Variants in KIF27 observed in about 807,000 individuals in gnomAD.
The protein encoded by KIF27 is kinesin family member 27, also known as kinesin-like protein KIF27.
In KIF27, 84 loss-of-function variants were observed where a neutral mutation model predicts 141.8. That is an observed-to-expected ratio of 0.59 (90% CI 0.50 to 0.71). The LOEUF (loss-of-function observed/expected upper bound fraction) is 0.71, where lower values mean the gene tolerates loss of function less well. Among genes scored for constraint, KIF27 ranks in the 30% least tolerant of loss-of-function variants. KIF27 has a pLI of 0.00. For missense variants in KIF27, 1,306 were observed against 1,628.4 expected, an observed-to-expected ratio of 0.80 and a Z score of 3.41; for synonymous variants, 471 against 569.5, an observed-to-expected ratio of 0.83 and a Z score of 2.46.
chr9:83,915,827 G>A (rs1169822117), intron 1 of KIF27, 149 bp from the exon 2 acceptor site: 7 of 453,172 alleles, frequency 1.5e-5, no homozygotes, highest in Admixed American at 3.9e-5. Context: ...AAAATACATC[G>A]TAAATTTGTA....
intron 1 of KIF27, among the ~76,000 whole-genome samples, chr9:83,919,352 C>A (rs1956021918): frequency 6.6e-6 from 1 of 152,066 alleles, no homozygotes; most frequent in Middle Eastern, 3.2e-3. Flanking sequence ...ACATTGTGTT[C>A]GCATAAAAAC....
intron 11 of KIF27, among the ~76,000 whole-genome samples, chr9:83,873,316 A>G (rs947285636): frequency 9.8e-5 from 15 of 152,342 alleles, no homozygotes; most frequent in Non-Finnish European, 1.8e-4. Flanking sequence ...ACACCCAACT[A>G]CAACATACAC....
chr9:83,863,365 A>T (rs1219279129), intron 13 of KIF27, among the ~76,000 whole-genome samples: 1 of 152,134 alleles, frequency 6.6e-6, no homozygotes, highest in African/African-American at 2.4e-5. Context: ...TACCTAATTT[A>T]TTGAGAGTTT....
At position 83,905,588 on chromosome 9, in the gene KIF27, T is replaced by C. The variant is rs1954433537; in HGVS notation, c.500-1570A>G. 2.6e-5 allele frequency among the ~76,000 whole-genome samples: 4 copies of C among 152,230 alleles called. No individual in the cohort carries two copies. In the South Asian group the frequency reaches 8.3e-4, roughly 31 times the overall value. On this transcript the variant is annotated intron_variant, in intron 3 of 17. Coordinates refer to ENST00000297814, the MANE Select transcript of KIF27 (RefSeq NM_017576.4). Reference sequence around the variant, plus strand: ...CATTTCAGTTTCATTATTTCCATCATGACACTTTTTAAACAACCCAGTTCA... The same window carrying C: ...CATTTCAGTTTCATTATTTCCATCACGACACTTTTTAAACAACCCAGTTCA...
intron 3 of KIF27, 143 bp from the exon 4 acceptor site, chr9:83,904,161 A>G: frequency 1.7e-6 from 1 of 577,734 alleles, no homozygotes; most frequent in Non-Finnish European, 3.0e-6. Context: ...TAATAACATC[A>G]GCAACATCAT....
chr9:83,846,460 G>A (rs1947291827), intron 16 of KIF27, among the ~76,000 whole-genome samples: 1 of 152,202 alleles, frequency 6.6e-6, no homozygotes, highest in Non-Finnish European at 1.5e-5. Flanking sequence ...TCATTCATGG[G>A]ATGAAGGTCC....
chr9:83,875,435 C>T (rs1268711588), intron 11 of KIF27, among the ~76,000 whole-genome samples: 1 of 152,146 alleles, frequency 6.6e-6, no homozygotes, highest in Non-Finnish European at 1.5e-5. Context: ...ATTAATTCAT[C>T]TATAAGACAA....
At position 83,870,566 on chromosome 9, in the gene KIF27, T is replaced by C; in HGVS notation, c.2710A>G (p.Asn904Asp). 1.9e-6 allele frequency: 3 copies of C among 1,613,978 alleles called. No individual in the cohort carries two copies. The highest frequency in any genetic ancestry group is 2.5e-6 in the Non-Finnish European group (3 of 1,179,862). Residue 904 changes from asparagine (N) to aspartate (D), a missense_variant, in exon 12 of 18, where the codon AAC becomes GAC. By Grantham distance (23) the Asn-to-Asp change is conservative. Transcript: ENST00000297814. ...AACGAACCTTTTCTCCTTTTCAAGT[T>C]ACATGCATCAAGGTCCTCAGCTTTC... ...KPKAEDLDAC[N>D]LKRRKGSFGS...
chr9:83,888,511 T>C lies in KIF27; in HGVS notation c.2061A>G (p.Gln687=), dbSNP rs775971827. 12 of 1,587,260 alleles carry C rather than the reference T, an allele frequency of 7.6e-6. No homozygotes were observed. The highest frequency in any genetic ancestry group is 6.9e-5 in the East Asian group (3 of 43,670). The part of the protein sequence containing the change: ...VELSDTQDET[Q]KSDLENEDLK... ...TACCTTCATTCTCCAAATCTGACTT[T>C]TGTGTTTCATCCTGAGTATCACTCA... is the stretch of plus-strand genomic sequence containing the variant. Residue 687 remains glutamine (Q), a synonymous_variant, in exon 8 of 18, where the codon CAA becomes CAG. Transcript: ENST00000297814.
chr9:83,855,564 C>T (rs1052467177), intron 14 of KIF27, among the ~76,000 whole-genome samples: 3 of 152,092 alleles, frequency 2.0e-5, no homozygotes, highest in African/African-American at 7.2e-5. Flanking sequence ...AGAGTAAGTC[C>T]TTATCATCAA....
chr9:83,865,125 A>G (rs909578089), intron 13 of KIF27, among the ~76,000 whole-genome samples: 9 of 152,040 alleles, frequency 5.9e-5, no homozygotes, highest in African/African-American at 2.2e-4. Flanking sequence ...AATTTTTTAT[A>G]TGATGTCTTT....
intron 4 of KIF27, among the ~76,000 whole-genome samples, chr9:83,902,544 T>C (rs1473335739): frequency 7.2e-5 from 11 of 152,184 alleles, no homozygotes; most frequent in Admixed American, 5.9e-4. Flanking sequence ...TTAATAAATA[T>C]GCTAATTTGT....
At chr9:83,844,347 GATATCT>G (rs201626105) in intron 16 of KIF27, among the ~76,000 whole-genome samples, 21,725 of 148,242 alleles carry the variant, frequency 0.15, 1,850 homozygotes, top group African/African-American at 0.2. Context: ...TATTTATATA[GATATCT>G]ATATCTATAT....
chr9:83,837,636 G>A lies in KIF27; in HGVS notation c.3722-151C>T. ...TTAAATGACTTATTTTAGATGAACA[G>A]ATGTGTGAATATGAATATTTTTATT... On this transcript the variant is annotated intron_variant, in intron 17 of 17. Coordinates refer to ENST00000297814, the MANE Select transcript of KIF27 (RefSeq NM_017576.4). 1.0e-5 allele frequency: 6 copies of A among 597,854 alleles called. No homozygotes were observed. The South Asian group carries it at 1.5e-4, about 15-fold the overall frequency. 37.0% of individuals were successfully genotyped at this position (597,854 alleles called of 1,614,324 possible).
At chr9:83,903,003 A>T in intron 4 of KIF27, 57 bp downstream of exon 4, 1 of 1,079,076 alleles carries the variant, frequency 9.3e-7, no homozygotes, top group Non-Finnish European at 1.3e-6. Context: ...CAAAATATGT[A>T]CATCTATTAT....
chr9:83,846,183 C>T (rs571019470), intron 16 of KIF27, among the ~76,000 whole-genome samples: 1 of 152,028 alleles, frequency 6.6e-6, no homozygotes, highest in African/African-American at 2.4e-5. Context: ...TCAGGGTGAT[C>T]AGCGAGCTAC....
At chr9:83,909,027 G>A (rs1954868941) in intron 2 of KIF27, among the ~76,000 whole-genome samples, 2 of 152,096 alleles carry the variant, frequency 1.3e-5, no homozygotes, top group South Asian at 4.1e-4. Flanking sequence ...TATTTATTTA[G>A]TATCTACTAT....
intron 5 of KIF27, among the ~76,000 whole-genome samples, chr9:83,892,428 C>A (rs1348416204): frequency 6.6e-6 from 1 of 150,590 alleles, no homozygotes; most frequent in Non-Finnish European, 1.5e-5. Context: ...AGGATAACCA[C>A]TAAAAAAAGA....
At chr9:83,852,722 G>A (rs1948748529) in intron 15 of KIF27, among the ~76,000 whole-genome samples, 1 of 151,992 alleles carries the variant, frequency 6.6e-6, no homozygotes, top group Non-Finnish European at 1.5e-5. Flanking sequence ...TCAAATTCCT[G>A]GGCTCATGTG....
Sources: gnomAD v4.1 joint callset for allele counts (sites outside exome capture counted in the v4.1 genomes callset) on GRCh38, gnomAD v4.1.1 for gene constraint, MANE v1.5 for transcripts, NCBI Gene and HGNC (gene_info 2026-07-23, HGNC 2026-07-21) for gene names.